The following BICC1 variants were observed in gnomAD, a reference collection of about 807,000 sequenced individuals.
The protein encoded by BICC1 is BicC family RNA binding protein 1, also known as protein bicaudal C homolog 1.
In BICC1, 43 loss-of-function variants were observed where a neutral mutation model predicts 111.0. That is an observed-to-expected ratio of 0.39 (90% CI 0.30 to 0.50). The LOEUF is 0.50. BICC1 is among the 20% of genes least tolerant of loss of function. The pLI, the probability that BICC1 is intolerant of heterozygous loss-of-function variation, is 0.88. For missense variants in BICC1, 1,091 were observed against 1,203.2 expected (o/e 0.91, Z 1.38); for synonymous variants, 467 against 434.4 (o/e 1.07, Z -0.93).
intron 18 of BICC1, chr10:58,814,272 CAA>C: frequency 1.7e-6 from 1 of 604,974 alleles, no homozygotes; most frequent in Non-Finnish European, 2.9e-6. Context: ...CTCCACAAAC[CAA>C]AGACTGTATT....
intron 2 of BICC1, among the ~76,000 whole-genome samples, chr10:58,689,350 G>A (rs1173509037): frequency 6.6e-6 from 1 of 152,190 alleles, no homozygotes; most frequent in Non-Finnish European, 1.5e-5. Context: ...GCCCAGATTG[G>A]ATCACGTGCC....
chr10:58,608,012 G>A (rs542432835), intron 1 of BICC1, among the ~76,000 whole-genome samples: 106 of 152,230 alleles, frequency 7.0e-4, no homozygotes, highest in African/African-American at 2.2e-3. Context: ...AAGCAGTAGT[G>A]TAGATATGTA....
intron 1 of BICC1, among the ~76,000 whole-genome samples, chr10:58,598,038 A>G (rs1256543052): frequency 1.3e-5 from 2 of 152,196 alleles, no homozygotes; most frequent in Non-Finnish European, 2.9e-5. Context: ...AAAGACAGCC[A>G]TAAGAATTAC....
chr10:58,739,815 T>C (rs999367527), intron 3 of BICC1, among the ~76,000 whole-genome samples: 11 of 152,192 alleles, frequency 7.2e-5, no homozygotes, highest in South Asian at 4.1e-4. Context: ...ATATCACTTA[T>C]CAGTTTGGGA....
intron 1 of BICC1, among the ~76,000 whole-genome samples, chr10:58,600,601 T>A (rs1319394277): frequency 6.6e-6 from 1 of 152,172 alleles, no homozygotes; most frequent in East Asian, 1.9e-4. Context: ...TATAATATAG[T>A]TGACTCTTGA....
intron 1 of BICC1, among the ~76,000 whole-genome samples, chr10:58,566,485 G>A (rs2131966705): frequency 6.6e-6 from 1 of 152,160 alleles, no homozygotes; most frequent in Admixed American, 6.6e-5. Flanking sequence ...TATCCTTTTT[G>A]TATAATGACT....
intron 2 of BICC1, among the ~76,000 whole-genome samples, chr10:58,698,426 C>A (rs966976326): frequency 6.6e-6 from 1 of 152,076 alleles, no homozygotes; most frequent in African/African-American, 2.4e-5. Flanking sequence ...ACCTTTTCTC[C>A]AGTGAGCCAA....
chr10:58,712,911 G>A (rs1481306087), intron 3 of BICC1, among the ~76,000 whole-genome samples: 1 of 152,016 alleles, frequency 6.6e-6, no homozygotes, highest in East Asian at 1.9e-4. Flanking sequence ...ACTTGATTTT[G>A]CTCTGAGCCG....
chr10:58,663,066 CTTTTTTTTTTTTTT>C (rs142149688), intron 2 of BICC1, among the ~76,000 whole-genome samples: 10 of 81,710 alleles, frequency 1.2e-4, no homozygotes, highest in African/African-American at 4.1e-4. Flanking sequence ...TTTTCTTTTT[CTTTTTTTTTTTTTT>C]TTTTGAGACG....
intron 1 of BICC1, among the ~76,000 whole-genome samples, chr10:58,524,889 C>G (rs1417831540): frequency 1.3e-5 from 2 of 151,882 alleles, no homozygotes; most frequent in African/African-American, 2.4e-5. Context: ...ACCCCATCAA[C>G]AAGTGGGCGA....
chr10:58,660,624 G>A (rs1455581556), intron 2 of BICC1, among the ~76,000 whole-genome samples: 1 of 152,084 alleles, frequency 6.6e-6, no homozygotes, highest in South Asian at 2.1e-4. Context: ...TAATTAATTA[G>A]TTAATTGTGC....
intron 3 of BICC1, among the ~76,000 whole-genome samples, chr10:58,743,719 G>A (rs1841742794): frequency 2.0e-5 from 3 of 151,356 alleles, no homozygotes; most frequent in Admixed American, 6.6e-5. Flanking sequence ...ATAGAGTCAG[G>A]ATTTTTCATG....
intron 3 of BICC1, among the ~76,000 whole-genome samples, chr10:58,718,765 T>TGTGC (rs369039194): frequency 4.7e-5 from 7 of 148,154 alleles, no homozygotes; most frequent in African/African-American, 1.5e-4. Context: ...TGTGTGTGTG[T>TGTGC]GCGCGCGCGC....
At chr10:58,576,086 A>T (rs1844103511) in intron 1 of BICC1, among the ~76,000 whole-genome samples, 1 of 152,292 alleles carries the variant, frequency 6.6e-6, no homozygotes, top group Non-Finnish European at 1.5e-5. Context: ...AGCCGAGTGG[A>T]TTTGGCAGAG....
intron 2 of BICC1, among the ~76,000 whole-genome samples, chr10:58,694,615 CAG>C (rs1236278666): frequency 3.3e-5 from 5 of 152,170 alleles, no homozygotes; most frequent in South Asian, 2.1e-4. Context: ...GTCCTCTGTT[CAG>C]AGTTTAGCAA....
At chr10:58,544,994 T>C (rs980729671) in intron 1 of BICC1, among the ~76,000 whole-genome samples, 1 of 152,080 alleles carries the variant, frequency 6.6e-6, no homozygotes, top group Non-Finnish European at 1.5e-5. Flanking sequence ...TACAAGCCAA[T>C]GAGAGAGACA....
chr10:58,686,817 C>T (rs1448750984), intron 2 of BICC1, among the ~76,000 whole-genome samples: 2 of 152,166 alleles, frequency 1.3e-5, no homozygotes, highest in East Asian at 3.9e-4. Context: ...TTCGAACATC[C>T]TTCTTTAGCT....
At chr10:58,649,674 T>C (rs1290695133) in intron 2 of BICC1, among the ~76,000 whole-genome samples, 2 of 152,140 alleles carry the variant, frequency 1.3e-5, no homozygotes, top group African/African-American at 2.4e-5. Flanking sequence ...AGTAAGGAGA[T>C]ATTTGCTTTT....
chr10:58,556,225 A>T (rs1234692166), intron 1 of BICC1, among the ~76,000 whole-genome samples: 2 of 152,170 alleles, frequency 1.3e-5, no homozygotes, highest in Non-Finnish European at 2.9e-5. Flanking sequence ...GTATGCATAC[A>T]AATAGAGAAA....
Sources: gnomAD v4.1 joint callset for allele counts (sites outside exome capture counted in the v4.1 genomes callset) on GRCh38, gnomAD v4.1.1 for gene constraint, MANE v1.5 for transcripts, NCBI Gene and HGNC (gene_info 2026-07-23, HGNC 2026-07-21) for gene names.